Variants in CDHR3 observed in about 807,000 individuals in gnomAD.
The protein encoded by CDHR3 is cadherin-related family member 3.
CDHR3 carries 79 observed loss-of-function variants against 86.6 expected under a neutral mutation model. The ratio of observed to expected loss-of-function variants is 0.91; its 90% CI spans 0.76 to 1.10. The LOEUF (loss-of-function observed/expected upper bound fraction) is 1.10. Ranked by LOEUF, CDHR3 falls within the 50% of genes least tolerant of loss-of-function variation. The pLI, the probability that CDHR3 is intolerant of heterozygous loss-of-function variation, is 0.00. For synonymous variants in CDHR3, 421 were observed against 402.4 expected, an observed-to-expected ratio of 1.05 and a Z score of -0.55; for missense variants, 1,081 against 1,077.6, an observed-to-expected ratio of 1.00 and a Z score of -0.04.
intron 1 of CDHR3, 60 bp downstream of exon 1, chr7:105,963,424 G>T: frequency 6.5e-7 from 1 of 1,531,482 alleles, no homozygotes; most frequent in Non-Finnish European, 9.0e-7. Context: ...TAATACCATT[G>T]AATGACAATG....
At chr7:105,968,612 C>A (rs1292413635) in intron 1 of CDHR3, among the ~76,000 whole-genome samples, 1 of 152,128 alleles carries the variant, frequency 6.6e-6, no homozygotes, top group Non-Finnish European at 1.5e-5. Flanking sequence ...CCACCTGGTT[C>A]GGCCTCCCAG....
At chr7:105,997,255 T>C (rs1832390817) in intron 6 of CDHR3, among the ~76,000 whole-genome samples, 1 of 152,216 alleles carries the variant, frequency 6.6e-6, no homozygotes, top group African/African-American at 2.4e-5. Context: ...ACTCCCAGAC[T>C]AACCTGGTGC....
chr7:105,969,585 C>T (rs188348453), intron 1 of CDHR3, among the ~76,000 whole-genome samples: 3 of 152,204 alleles, frequency 2.0e-5, no homozygotes, highest in Non-Finnish European at 4.4e-5. Context: ...AATATGCCTA[C>T]AGCAAAATAG....
chr7:106,026,588 G>T, intron 15 of CDHR3, 94 bp from the exon 16 acceptor site: 1 of 1,314,632 alleles, frequency 7.6e-7, no homozygotes, highest in South Asian at 1.2e-5. Context: ...GTATCTCAAA[G>T]GGCATAGTTG....
chr7:106,001,653 G>A, intron 7 of CDHR3, 43 bp downstream of exon 7: 1 of 1,608,786 alleles, frequency 6.2e-7, no homozygotes, highest in Non-Finnish European at 8.5e-7. Flanking sequence ...CTCTAATTCA[G>A]CCATGTGGAT....
intron 8 of CDHR3, among the ~76,000 whole-genome samples, chr7:106,008,186 G>T (rs868073475): frequency 1.3e-5 from 2 of 152,092 alleles, no homozygotes; most frequent in African/African-American, 2.4e-5. Flanking sequence ...ATGAGATTTG[G>T]GTGGGGACAC....
intron 16 of CDHR3, among the ~76,000 whole-genome samples, chr7:106,026,984 A>C (rs758052901): frequency 6.6e-6 from 1 of 152,190 alleles, no homozygotes; most frequent in Non-Finnish European, 1.5e-5. Flanking sequence ...CCCTTGCTGC[A>C]TGGCACAGGA....
chr7:106,024,594 C>T, intron 15 of CDHR3, 32 bp downstream of exon 15: 2 of 1,602,768 alleles, frequency 1.2e-6, no homozygotes, highest in Non-Finnish European at 1.7e-6. Flanking sequence ...CCCTCTTCCC[C>T]ACCTCCTTTA....
At position 105,997,364 on chromosome 7, in the gene CDHR3, C is replaced by T. The variant is rs767857529; in HGVS notation, c.713+1010C>T. ...AATGCGTCTGCTCCAGCCCTGCAGC[C>T]TGGGCTGCAGTTCCTTTTTCAATCC... is the stretch of plus-strand genomic sequence containing the variant. On this transcript the variant is annotated intron_variant, in intron 6 of 18. Transcript: ENST00000317716. Among the ~76,000 whole-genome samples, 7 of 152,288 alleles carry T rather than the reference C, an allele frequency of 4.6e-5. No individual in the cohort carries two copies. In the Middle Eastern group the frequency reaches 0.01, roughly 222 times the overall value.
At chr7:105,989,548 G>A (rs1045550941) in intron 4 of CDHR3, among the ~76,000 whole-genome samples, 3 of 152,018 alleles carry the variant, frequency 2.0e-5, no homozygotes, top group African/African-American at 4.8e-5. Context: ...TTTTGGGAGC[G>A]CAGCAGGGGC....
intron 1 of CDHR3, among the ~76,000 whole-genome samples, chr7:105,973,565 C>T (rs1020787318): frequency 6.6e-6 from 1 of 152,190 alleles, no homozygotes; most frequent in Non-Finnish European, 1.5e-5. Context: ...CCCCTCTGTG[C>T]GTGTCCTGTC....
At chr7:106,027,591 C>T in intron 16 of CDHR3, 1 of 436,556 alleles carries the variant, frequency 2.3e-6, no homozygotes, top group Non-Finnish European at 4.6e-6. Context: ...AGGAGGTGTC[C>T]TGGCTTGGCC....
At chr7:105,992,460 T>C (rs1168802970) in intron 4 of CDHR3, among the ~76,000 whole-genome samples, 3 of 152,158 alleles carry the variant, frequency 2.0e-5, no homozygotes, top group Admixed American at 6.5e-5. Context: ...GCTGGAGTGT[T>C]AATGGGGGGC....
At chr7:105,972,679 T>C (rs533438215) in intron 1 of CDHR3, among the ~76,000 whole-genome samples, 105 of 152,322 alleles carry the variant, frequency 6.9e-4, no homozygotes, top group Admixed American at 1.2e-3. Flanking sequence ...ACTCCAACCA[T>C]ACTCTTTCAC....
At chr7:105,989,951 G>A (rs1831115621) in intron 4 of CDHR3, among the ~76,000 whole-genome samples, 1 of 152,194 alleles carries the variant, frequency 6.6e-6, no homozygotes, top group Non-Finnish European at 1.5e-5. Context: ...ACCACCTGAA[G>A]TCTTAGCAAA....
intron 13 of CDHR3, among the ~76,000 whole-genome samples, chr7:106,021,528 T>C (rs555094513): frequency 3.3e-5 from 5 of 152,324 alleles, no homozygotes; most frequent in African/African-American, 1.2e-4. Flanking sequence ...CTGGAGCCAG[T>C]GGAGGAATGA....
At chr7:106,029,311 T>C (rs1446116095) in intron 17 of CDHR3, among the ~76,000 whole-genome samples, 1 of 152,062 alleles carries the variant, frequency 6.6e-6, no homozygotes, top group African/African-American at 2.4e-5. Context: ...TTCCACTACC[T>C]TGCAGAAAAG....
At chr7:106,020,312 C>T (rs1836366446) in intron 12 of CDHR3, 61 bp from the exon 13 acceptor site, 23 of 1,437,840 alleles carry the variant, frequency 1.6e-5, no homozygotes, top group Non-Finnish European at 2.2e-5. Context: ...AAACTGCCTA[C>T]ACACAGTAAG....
intron 2 of CDHR3, among the ~76,000 whole-genome samples, chr7:105,978,558 C>T (rs1318346887): frequency 2.6e-5 from 4 of 152,152 alleles, no homozygotes; most frequent in African/African-American, 9.7e-5. Context: ...CAGCTATGAC[C>T]TTAGGAGAGC....
Sources: allele counts gnomAD v4.1 joint callset (sites outside exome capture counted in the v4.1 genomes callset), GRCh38; gene constraint gnomAD v4.1.1; transcripts MANE v1.5; gene names NCBI Gene and HGNC (gene_info 2026-07-23, HGNC 2026-07-21).